The following MMP1 variants were observed in gnomAD, a reference collection of about 807,000 sequenced individuals.
MMP1 encodes the protein matrix metallopeptidase 1, also known as interstitial collagenase.
Under a neutral mutation model 49.6 loss-of-function variants are expected in MMP1, and 51 were observed. The observed-to-expected ratio is 1.03, with a 90% confidence interval of 0.82 to 1.30. The LOEUF (loss-of-function observed/expected upper bound fraction) is 1.30. Among genes scored for constraint, MMP1 ranks in the 50% most tolerant of loss-of-function variants. The probability of loss-of-function intolerance (pLI) is 0.00; values close to 1 mark genes in which losing one functional copy is unlikely to be tolerated. For synonymous variants in MMP1, 230 were observed against 196.8 expected, an observed-to-expected ratio of 1.17 and a Z score of -1.41; for missense variants, 623 against 568.7, an observed-to-expected ratio of 1.10 and a Z score of -0.97.
intron 4 of MMP1, 60 bp downstream of exon 4, chr11:102,796,604 A>G (rs1858197626): frequency 6.4e-7 from 1 of 1,569,230 alleles, no homozygotes; most frequent in Non-Finnish European, 8.6e-7. Context: ...AAATCAACCA[A>G]TATTACAATG....
At chr11:102,791,165 G>C (rs1007965898) in intron 8 of MMP1, among the ~76,000 whole-genome samples, 168 bp downstream of exon 8, 1 of 152,338 alleles carries the variant, frequency 6.6e-6, no homozygotes, top group African/African-American at 2.4e-5. Context: ...TGCAGGCATT[G>C]TGTGATGATT....
chr11:102,797,622 A>T lies in MMP1; in HGVS notation c.106-122T>A, dbSNP rs989242484. The T allele has an allele frequency of 1.5e-5, 19 of 1,270,980 alleles. No individual in the cohort carries two copies. In the African/African-American group the frequency reaches 2.5e-4, roughly 17 times the overall value. 78.7% of individuals were successfully genotyped at this position (1,270,980 alleles called of 1,614,324 possible). A position where few individuals can be genotyped will look rare whatever the true frequency, so the allele number is the denominator to read the frequency against. ...TTTAAACCTTGTGTTTAGATTTCGC[A>T]GTTGCTTTTATCCTTATTTTTGGTG... is the stretch of plus-strand genomic sequence containing the variant. On this transcript the variant is annotated intron_variant, in intron 1 of 9. Transcript: ENST00000315274.
rs1410270423 is a variant in MMP1 at position 102,794,019 on chromosome 11, T to C, written c.899+1155A>G. On this transcript the variant is annotated intron_variant, in intron 6 of 9. Coordinates refer to ENST00000315274, the MANE Select transcript of MMP1 (RefSeq NM_002421.4). This position sits in a 1 kb window ranked among gnomAD's most constrained non-coding sequence, Gnocchi z 4.3. ...GACATTTAAATGATCTCTGTGTCCT[T>C]TCAATTCTGGCAAATCCTCAAATTG... 6.6e-6 allele frequency among the ~76,000 whole-genome samples: 1 copy of C among 152,212 alleles called. No homozygotes were observed. The highest frequency in any genetic ancestry group is 1.9e-4 in the East Asian group (1 of 5,200).
In MMP1 at chr11:102,797,432, GC is replaced by G; in HGVS notation, c.173del (p.Gly58AlafsTer7). 1 of 1,614,112 alleles carries G rather than the reference GC, an allele frequency of 6.2e-7. No homozygotes were observed. The highest frequency in any genetic ancestry group is 8.5e-7 in the Non-Finnish European group (1 of 1,180,010). ...GRQVEKRRNSGPVVEKLKQMQ... is the reference protein window; with the variant it reads ...GRQVEKRRNSXPVVEKLKQMQ... Reference sequence around the variant, plus strand: ...TTTGCTTCAATTTTTCAACCACTGGGCCACTATTTCTCCGCTTTTCAACTTG... The same window carrying G: ...TTTGCTTCAATTTTTCAACCACTGGGCACTATTTCTCCGCTTTTCAACTTG... On this transcript the variant is annotated frameshift_variant, in exon 2 of 10. Coordinates refer to ENST00000315274, the MANE Select transcript of MMP1 (RefSeq NM_002421.4). LOFTEE classifies it high-confidence loss of function.
rs577562243 is a variant in MMP1 at position 102,793,042 on chromosome 11, T to G, written c.900-304A>C. 1.1e-4 allele frequency: 21 copies of G among 194,354 alleles called. No homozygotes were observed. The South Asian group carries it at 3.8e-3, about 35-fold the overall frequency. The allele number at this position is 194,354 out of a possible 1,614,324, so 12.0% of individuals were successfully genotyped here. A position where few individuals can be genotyped will look rare whatever the true frequency, so the allele number is the denominator to read the frequency against. On this transcript the variant is annotated intron_variant, in intron 6 of 9. Transcript: ENST00000315274. ...TGCAGTAAAAATTATGACAAACTGA[T>G]GAATTTTTATTATTTTTATTACCTT...
In MMP1 at chr11:102,798,123, G is replaced by T; in HGVS notation, c.-31C>A. 6.4e-7 allele frequency: 1 copy of T among 1,563,872 alleles called. No individual in the cohort carries two copies. The highest frequency in any genetic ancestry group is 8.7e-7 in the Non-Finnish European group (1 of 1,150,454). On this transcript the variant is annotated 5_prime_UTR_variant, in exon 1 of 10. Coordinates refer to ENST00000315274, the MANE Select transcript of MMP1 (RefSeq NM_002421.4). ...CCTTTGTCTTCTTTCTCAGTGCAAG[G>T]TAAGTGATGGCTTCCCAGCCTCTTG...
At chr11:102,796,905 C>T (rs926200969) in intron 3 of MMP1, 109 bp downstream of exon 3, 14 of 1,530,460 alleles carry the variant, frequency 9.1e-6, no homozygotes, top group Non-Finnish European at 1.1e-5. Context: ...GATGCAGTTT[C>T]CCTCTTCGAG....
Position 102,796,741 on chromosome 11 carries a change from T to G in MMP1, c.548A>C (p.His183Pro), listed in dbSNP as rs997948848. 1.2e-6 allele frequency: 2 copies of G among 1,613,918 alleles called. No individual in the cohort carries two copies. The highest frequency in any genetic ancestry group is 3.3e-5 in the Admixed American group (2 of 59,982). Residue 183 changes from histidine (H) to proline (P), a missense_variant, in exon 4 of 10, where the codon CAT becomes CCT. Coordinates refer to ENST00000315274, the MANE Select transcript of MMP1 (RefSeq NM_002421.4). The stretch of plus-strand genomic sequence containing the variant: ...AATACCTGGGCCTGGTTGAAAAGCA[T>G]GAGCAAGATTTCCTCCAGGTCCATC... ...PFDGPGGNLA[H>P]AFQPGPGIGG... is the part of the protein sequence containing the mutation.
chr11:102,790,429 T>G lies in MMP1; in HGVS notation c.1393A>C (p.Asn465His). The G allele has an allele frequency of 1.2e-6, 2 of 1,604,904 alleles. No homozygotes were observed. The highest frequency in any genetic ancestry group is 1.7e-6 in the Non-Finnish European group (2 of 1,173,322). The change falls in exon 10 of 10, where the codon AAC becomes CAC. Residue 465 changes from asparagine (N) to histidine (H), a missense_variant. Coordinates refer to ENST00000315274, the MANE Select transcript of MMP1 (RefSeq NM_002421.4). The part of the protein sequence containing the change: ...LTLQKANSWF[N>H]CRKN The stretch of plus-strand genomic sequence containing the variant: ...AGTAATGTTCAATTTTTCCTGCAGT[T>G]GAACCAGCTATTAGCTTTCTGGAGA...
intron 7 of MMP1, among the ~76,000 whole-genome samples, chr11:102,791,746 G>A (rs1254283126): frequency 6.6e-6 from 1 of 152,128 alleles, no homozygotes; most frequent in East Asian, 1.9e-4. Context: ...TTATGGAGTT[G>A]GGGGCTTCTT....
At chr11:102,795,898 C>A (rs184731679) in intron 4 of MMP1, among the ~76,000 whole-genome samples, 1 of 152,142 alleles carries the variant, frequency 6.6e-6, no homozygotes, top group Non-Finnish European at 1.5e-5. Flanking sequence ...TTAAATGACA[C>A]GTACTATTTC....
At chr11:102,791,295 A>G (rs1473336946) in intron 8 of MMP1, 38 bp downstream of exon 8, 1 of 1,610,596 alleles carries the variant, frequency 6.2e-7, no homozygotes, top group Admixed American at 1.7e-5. Flanking sequence ...TTATGTAGAA[A>G]GAACTGAGGC....
intron 8 of MMP1, 99 bp downstream of exon 8, chr11:102,791,234 C>A: frequency 7.7e-7 from 1 of 1,302,610 alleles, no homozygotes; most frequent in Non-Finnish European, 1.1e-6. Flanking sequence ...GGAAAGGATG[C>A]CGGCCAAGGC....
chr11:102,791,227 A>T, intron 8 of MMP1, 106 bp downstream of exon 8: 1 of 1,209,432 alleles, frequency 8.3e-7, no homozygotes, highest in African/African-American at 1.5e-5. Context: ...ATCTGAAGGA[A>T]AGGATGCCGG....
Position 102,792,647 on chromosome 11 carries a change from C to A in MMP1, c.991G>T (p.Ala331Ser). The change falls in exon 7 of 10, where the codon GCT becomes TCT. Residue 331 changes from alanine to serine, a missense_variant. Transcript: ENST00000315274. ...TCATCTCTGTCGGCAAATTCGTAAG[C>A]AGCTTCAAGCCCATTTGGCAGTTGT... ...WPQLPNGLEA[A>S]YEFADRDEVR... The A allele has an allele frequency of 6.2e-7, 1 of 1,613,862 alleles. No individual in the cohort carries two copies. Among genetic ancestry groups the A allele is most frequent in the Non-Finnish European group, 8.5e-7 (1 of 1,179,820 alleles).
At chr11:102,791,235 C>T (rs562565947) in intron 8 of MMP1, 98 bp downstream of exon 8, 208 of 1,322,182 alleles carry the variant, frequency 1.6e-4, no homozygotes, top group Non-Finnish European at 1.9e-4. Flanking sequence ...GAAAGGATGC[C>T]GGCCAAGGCA....
In MMP1 at chr11:102,795,537, G is replaced by A. The variant is rs760636280; in HGVS notation, c.696C>T (p.Ile232=). The part of the protein sequence containing the change: ...HSLGLSHSTD[I]GALMYPSYTF... ...TGTAGCTAGGGTACATCAAAGCCCC[G>A]ATATCAGTAGAATGGGAGAGTCCAA... The change falls in exon 5 of 10, where the codon ATC becomes ATT. Residue 232 remains isoleucine, a synonymous_variant. Transcript: ENST00000315274. The A allele has an allele frequency of 3.7e-5, 59 of 1,613,854 alleles. No individual in the cohort carries two copies. Among genetic ancestry groups the A allele is most frequent in the Non-Finnish European group, 4.6e-5 (54 of 1,179,980 alleles).
intron 6 of MMP1, 146 bp from the exon 7 acceptor site, chr11:102,792,884 T>G (rs1013984147): frequency 4.2e-6 from 3 of 708,200 alleles, no homozygotes; most frequent in Admixed American, 2.8e-5. Flanking sequence ...GGTTGGTTTA[T>G]AGCATTTGCT....
At chr11:102,793,774 T>A (rs1858099913) in intron 6 of MMP1, among the ~76,000 whole-genome samples, 1 of 152,150 alleles carries the variant, frequency 6.6e-6, no homozygotes, top group Non-Finnish European at 1.5e-5. Context: ...TTACACAAAG[T>A]GGATTATAGA....
Sources: gnomAD v4.1 joint callset for allele counts (sites outside exome capture counted in the v4.1 genomes callset) on GRCh38, gnomAD v4.1.1 for gene constraint, Gnocchi (gnomAD v3.1) non-coding constraint, MANE v1.5 for transcripts, NCBI Gene and HGNC (gene_info 2026-07-23, HGNC 2026-07-21) for gene names.